The following TBC1D14 variants were observed in gnomAD, a reference collection of about 807,000 sequenced individuals.
The protein encoded by TBC1D14 is TBC1 domain family, member 14.
A neutral mutation model predicts 79.0 loss-of-function variants in TBC1D14; 26 were observed. The observed-to-expected ratio is 0.33, with a 90% confidence interval of 0.24 to 0.46. The LOEUF (loss-of-function observed/expected upper bound fraction) is 0.46, where lower values mean the gene tolerates loss of function less well. Among genes scored for constraint, TBC1D14 ranks in the 20% least tolerant of loss-of-function variants. The pLI, the probability that TBC1D14 is intolerant of heterozygous loss-of-function variation, is 1.00. For missense variants in TBC1D14, 769 were observed against 887.6 expected (o/e 0.87, Z 1.70); for synonymous variants, 394 against 349.9 (o/e 1.13, Z -1.40).
rs536122886 is a variant in TBC1D14 at position 6,974,203 on chromosome 4, A to C, written c.843+6779A>C. Among the ~76,000 whole-genome samples, 9 of 152,252 alleles carry C rather than the reference A, an allele frequency of 5.9e-5. No homozygotes were observed. The East Asian group carries it at 1.5e-3, about 26-fold the overall frequency. On this transcript the variant is annotated intron_variant, in intron 3 of 13. Transcript: ENST00000409757. The stretch of plus-strand genomic sequence containing the variant: ...CCCAGCCCTCAGGCATTCTTATGAG[A>C]GCAGCAGCTGATGGGAGCCTGAGAC...
chr4:6,975,822 G>C (rs1716668011), intron 3 of TBC1D14, among the ~76,000 whole-genome samples: 1 of 152,160 alleles, frequency 6.6e-6, no homozygotes, highest in Non-Finnish European at 1.5e-5. Flanking sequence ...GCTGGGAGTG[G>C]TGGCTCACAC....
At chr4:6,980,681 C>T (rs1011740245) in intron 3 of TBC1D14, among the ~76,000 whole-genome samples, 2 of 150,560 alleles carry the variant, frequency 1.3e-5, no homozygotes, top group African/African-American at 4.9e-5. Context: ...ACTACAGACT[C>T]CACAAAAATA....
intron 13 of TBC1D14, among the ~76,000 whole-genome samples, chr4:7,027,543 A>AATCACCACACACCACAATCACC (rs1722533288): frequency 2.8e-5 from 4 of 143,534 alleles, no homozygotes; most frequent in Non-Finnish European, 4.6e-5. Context: ...TCACATACAC[A>AATCACCACACACCACAATCACC]ATCACCACAC....
intron 3 of TBC1D14, among the ~76,000 whole-genome samples, chr4:6,970,279 T>C (rs1716106919): frequency 6.6e-6 from 1 of 152,266 alleles, no homozygotes; most frequent in Non-Finnish European, 1.5e-5. Context: ...CCAGCTCTGC[T>C]ACGGTTTGGT....
At chr4:7,030,286 C>A in intron 13 of TBC1D14, 41 bp from the exon 14 acceptor site, 1 of 1,596,978 alleles carries the variant, frequency 6.3e-7, no homozygotes, top group Non-Finnish European at 8.6e-7. Flanking sequence ...GATCTGTGTG[C>A]GTGGTCACTT....
At chr4:6,922,994 A>T (rs1248720720) in intron 1 of TBC1D14, among the ~76,000 whole-genome samples, 1 of 152,180 alleles carries the variant, frequency 6.6e-6, no homozygotes, top group African/African-American at 2.4e-5. Context: ...TGAGGTCAGG[A>T]GTTTGAGACC....
At chr4:7,011,435 G>C (rs897214790) in intron 11 of TBC1D14, among the ~76,000 whole-genome samples, 6 of 152,190 alleles carry the variant, frequency 3.9e-5, no homozygotes, top group African/African-American at 9.7e-5. Context: ...TTCAAGGCAT[G>C]CATCTGGTAA....
chr4:6,941,565 A>G (rs6446554), intron 2 of TBC1D14, among the ~76,000 whole-genome samples: 148,096 of 152,224 alleles, frequency 0.97, 72,176 homozygotes, highest in Middle Eastern at 1. Context: ...ACTTGCTGTG[A>G]AGCTGTGGAG....
chr4:6,912,452 C>A (rs1401087101), intron 1 of TBC1D14, among the ~76,000 whole-genome samples: 1 of 151,778 alleles, frequency 6.6e-6, no homozygotes, highest in African/African-American at 2.4e-5. Context: ...GTTTAGAATT[C>A]TTGATTGTCC....
chr4:7,025,324 A>G, intron 13 of TBC1D14, 62 bp downstream of exon 13: 1 of 1,598,190 alleles, frequency 6.3e-7, no homozygotes, highest in Non-Finnish European at 8.5e-7. Context: ...CGACTCAGGA[A>G]GGCCCCTACG....
chr4:6,998,943 T>G, intron 5 of TBC1D14, 142 bp from the exon 6 acceptor site: 1 of 688,972 alleles, frequency 1.5e-6, no homozygotes, highest in Non-Finnish European at 2.5e-6. Context: ...CCGTCAGGTG[T>G]GAAGTGAGCG....
intron 3 of TBC1D14, among the ~76,000 whole-genome samples, chr4:6,973,234 A>G (rs1011950579): frequency 6.6e-6 from 1 of 152,060 alleles, no homozygotes; most frequent in Non-Finnish European, 1.5e-5. Context: ...AGAATCCCAG[A>G]AGAAGGCAGA....
intron 1 of TBC1D14, among the ~76,000 whole-genome samples, chr4:6,922,201 G>A (rs1167704408): frequency 6.6e-6 from 1 of 152,116 alleles, no homozygotes; most frequent in Non-Finnish European, 1.5e-5. Context: ...CTGCAGGCAT[G>A]TGCCACCACC....
rs1007671463 is a variant in TBC1D14, at chr4:6,987,160, G to T, written c.844-7024G>T. Reference sequence around the variant, plus strand: ...CCAGCCAGGCCTGACGCGCCGAGCCGGCAGCGCGGATCGCCTCGCTGTGTC... The same window carrying T: ...CCAGCCAGGCCTGACGCGCCGAGCCTGCAGCGCGGATCGCCTCGCTGTGTC... On this transcript the variant is annotated intron_variant, in intron 3 of 13. Coordinates refer to ENST00000409757, the MANE Select transcript of TBC1D14 (RefSeq NM_020773.3). 8.8e-6 allele frequency: 10 copies of T among 1,136,052 alleles called. No homozygotes were observed. In the African/African-American group the frequency reaches 9.8e-5, roughly 11 times the overall value. The allele number at this position is 1,136,052 out of a possible 1,614,324, so 70.4% of individuals were successfully genotyped here.
chr4:7,021,486 A>G (rs1323983519), intron 12 of TBC1D14, among the ~76,000 whole-genome samples: 1 of 152,008 alleles, frequency 6.6e-6, no homozygotes, highest in Non-Finnish European at 1.5e-5. Context: ...AGTCTCAGCT[A>G]CTCAGGAGGC....
chr4:6,990,201 G>C (rs1718345638), intron 3 of TBC1D14, among the ~76,000 whole-genome samples: 1 of 152,224 alleles, frequency 6.6e-6, no homozygotes, highest in Non-Finnish European at 1.5e-5. Context: ...TGTAATCCCA[G>C]CACTTTGGAG....
chr4:7,014,080 G>T (rs1396381504), intron 11 of TBC1D14, among the ~76,000 whole-genome samples: 7 of 152,192 alleles, frequency 4.6e-5, no homozygotes, highest in Non-Finnish European at 1.0e-4. Flanking sequence ...ATATATTCCT[G>T]GTTTTTAGGA....
At chr4:7,027,260 G>C (rs760341579) in intron 13 of TBC1D14, among the ~76,000 whole-genome samples, 1 of 149,968 alleles carries the variant, frequency 6.7e-6, no homozygotes, top group Non-Finnish European at 1.5e-5. Context: ...TTTCCCACTG[G>C]GGGAGAGTTT....
intron 4 of TBC1D14, 48 bp from the exon 5 acceptor site, chr4:6,996,277 T>C: frequency 6.7e-7 from 1 of 1,488,014 alleles, no homozygotes; most frequent in Non-Finnish European, 9.3e-7. Context: ...TCTGAAAGAC[T>C]TCTATGCGGT....
Sources: gnomAD v4.1 joint callset for allele counts (sites outside exome capture counted in the v4.1 genomes callset) on GRCh38, gnomAD v4.1.1 for gene constraint, MANE v1.5 for transcripts, NCBI Gene and HGNC (gene_info 2026-07-23, HGNC 2026-07-21) for gene names.